The following CRPPA variants were observed in gnomAD, a reference collection of about 807,000 sequenced individuals.
CRPPA encodes the protein D-ribitol-5-phosphate cytidylyltransferase.
In CRPPA, 43 loss-of-function variants were observed where a neutral mutation model predicts 52.0. The observed-to-expected ratio is 0.83, with a 90% CI of 0.65 to 1.07. The LOEUF (loss-of-function observed/expected upper bound fraction) is 1.07, where lower values mean the gene tolerates loss of function less well. Ranked by LOEUF, CRPPA falls within the 50% of genes least tolerant of loss-of-function variation. The pLI, the probability that CRPPA is intolerant of heterozygous loss-of-function variation, is 0.00. For synonymous variants in CRPPA, 250 were observed against 203.5 expected, an observed-to-expected ratio of 1.23 and a Z score of -1.94; for missense variants, 629 against 551.7, an observed-to-expected ratio of 1.14 and a Z score of -1.40.
In CRPPA at chr7:16,258,955, T is replaced by C. The variant is rs886044693; in HGVS notation, c.991A>G (p.Ile331Val). 7.4e-6 allele frequency: 12 copies of C among 1,611,202 alleles called. No individual in the cohort carries two copies. The highest frequency in any genetic ancestry group is 9.3e-6 in the Non-Finnish European group (11 of 1,178,446). ...ACAAAATTGTAGCATTGATCTAAGA[T>C]GATTTGCTGAAGATGTCTGCCAGCA... ...GHAGRHLQQI[I>V]LDQCYNFVCV... The change falls in exon 7 of 10, where the codon ATC (isoleucine) becomes GTC (valine). Residue 331 changes from isoleucine to valine, a missense_variant. Ile to Val is a conservative substitution (Grantham distance 29, BLOSUM62 3). Transcript: ENST00000407010.
At chr7:16,207,288 A>G (rs1238978935) in intron 9 of CRPPA, among the ~76,000 whole-genome samples, 1 of 152,204 alleles carries the variant, frequency 6.6e-6, no homozygotes. Context: ...TACAGCATCT[A>G]TTAGGCAATA....
chr7:16,163,273 C>T (rs1246953484), intron 9 of CRPPA, among the ~76,000 whole-genome samples: 2 of 151,906 alleles, frequency 1.3e-5, no homozygotes, highest in Non-Finnish European at 2.9e-5. Context: ...TGCACCTGGG[C>T]CGCTTGTCTT....
intron 6 of CRPPA, among the ~76,000 whole-genome samples, chr7:16,261,465 C>T (rs1228198134): frequency 6.6e-6 from 1 of 151,886 alleles, no homozygotes; most frequent in Non-Finnish European, 1.5e-5. Flanking sequence ...TATTTTGTGG[C>T]CATAATTAAC....
intron 2 of CRPPA, among the ~76,000 whole-genome samples, chr7:16,397,228 G>A (rs1420660990): frequency 6.6e-6 from 1 of 152,220 alleles, no homozygotes; most frequent in East Asian, 1.9e-4. Context: ...TATGTGATAC[G>A]AACATAACAT....
At chr7:16,177,023 G>A (rs1175417767) in intron 9 of CRPPA, among the ~76,000 whole-genome samples, 2 of 152,084 alleles carry the variant, frequency 1.3e-5, no homozygotes, top group Admixed American at 1.3e-4. Flanking sequence ...AAATGCATAT[G>A]CTAAGTGAAA....
At chr7:16,227,513 G>T (rs915147429) in intron 8 of CRPPA, among the ~76,000 whole-genome samples, 8 of 151,630 alleles carry the variant, frequency 5.3e-5, no homozygotes, top group Non-Finnish European at 7.4e-5. Context: ...TATACCTATT[G>T]GCCATCTATT....
intron 9 of CRPPA, among the ~76,000 whole-genome samples, chr7:16,111,364 T>A (rs991197797): frequency 6.6e-6 from 1 of 152,174 alleles, no homozygotes; most frequent in Non-Finnish European, 1.5e-5. Context: ...ACTGTATGGT[T>A]GTTTCTCAAA....
intron 9 of CRPPA, among the ~76,000 whole-genome samples, chr7:16,137,124 G>C (rs773361214): frequency 6.6e-6 from 1 of 152,228 alleles, no homozygotes; most frequent in East Asian, 1.9e-4. Context: ...CCAGAGGCAG[G>C]ACCTTTGGAA....
intron 8 of CRPPA, among the ~76,000 whole-genome samples, chr7:16,226,411 A>C (rs1782652594): frequency 6.6e-6 from 1 of 151,916 alleles, no homozygotes; most frequent in African/African-American, 2.4e-5. Context: ...TTAAAATAAA[A>C]TGCCAACTTA....
chr7:16,091,365 C>T lies in CRPPA; in HGVS notation c.*330G>A, dbSNP rs1254668859. On this transcript the variant is annotated 3_prime_UTR_variant, in exon 10 of 10. Transcript: ENST00000407010. ...GATAATAACTGAAGTTTTCTAAATT[C>T]TCATTCCTTGAAAGAATAGCTCACC... The T allele has an allele frequency of 1.0e-5, 2 of 192,024 alleles. No homozygotes were observed. The highest frequency in any genetic ancestry group is 4.7e-5 in the African/African-American group (2 of 42,146). 11.9% of individuals were successfully genotyped at this position (192,024 alleles called of 1,614,324 possible).
chr7:16,386,580 G>C (rs916308801), intron 2 of CRPPA, among the ~76,000 whole-genome samples: 2 of 152,122 alleles, frequency 1.3e-5, no homozygotes, highest in African/African-American at 2.4e-5. Flanking sequence ...ATTGAACTGT[G>C]TATATTTGAT....
chr7:16,326,898 A>G (rs1401093098), intron 3 of CRPPA, among the ~76,000 whole-genome samples: 5 of 150,222 alleles, frequency 3.3e-5, no homozygotes, highest in Non-Finnish European at 7.4e-5. Context: ...ATACTATCAA[A>G]TCACAAAAAT....
At chr7:16,305,588 G>A (rs1041076847) in intron 4 of CRPPA, among the ~76,000 whole-genome samples, 8 of 152,068 alleles carry the variant, frequency 5.3e-5, no homozygotes, top group Admixed American at 2.6e-4. Flanking sequence ...TTGGCTGGGC[G>A]TGGTGGTGGT....
At chr7:16,180,566 CATT>C (rs991435966) in intron 9 of CRPPA, among the ~76,000 whole-genome samples, 2 of 151,944 alleles carry the variant, frequency 1.3e-5, no homozygotes, top group African/African-American at 4.8e-5. Flanking sequence ...ATGTGGCAAG[CATT>C]ATGTTGTTCA....
chr7:16,340,897 C>A (rs540055058), intron 3 of CRPPA, among the ~76,000 whole-genome samples: 1 of 152,056 alleles, frequency 6.6e-6, no homozygotes, highest in Non-Finnish European at 1.5e-5. Flanking sequence ...TATGGTACAT[C>A]CAGAGAATGG....
chr7:16,124,790 C>T (rs1165598291), intron 9 of CRPPA, among the ~76,000 whole-genome samples: 1 of 152,030 alleles, frequency 6.6e-6, no homozygotes, highest in African/African-American at 2.4e-5. Flanking sequence ...AATTATAACA[C>T]ATTGTATACA....
intron 9 of CRPPA, among the ~76,000 whole-genome samples, chr7:16,191,654 C>A (rs1781613697): frequency 6.6e-6 from 1 of 152,102 alleles, no homozygotes; most frequent in Non-Finnish European, 1.5e-5. Context: ...CTATATTGGA[C>A]TTTGAGGCTT....
chr7:16,294,605 G>T (rs1287072749), intron 5 of CRPPA, among the ~76,000 whole-genome samples: 1 of 151,906 alleles, frequency 6.6e-6, no homozygotes, highest in Non-Finnish European at 1.5e-5. Context: ...AGTATTCTTT[G>T]AGAGAGTGAA....
intron 8 of CRPPA, among the ~76,000 whole-genome samples, chr7:16,240,297 A>G (rs887523708): frequency 6.6e-6 from 1 of 151,472 alleles, no homozygotes; most frequent in East Asian, 1.9e-4. Flanking sequence ...AATACCTGAG[A>G]CTTACTACAT....
Sources: allele counts gnomAD v4.1 joint callset (sites outside exome capture counted in the v4.1 genomes callset), GRCh38; gene constraint gnomAD v4.1.1; transcripts MANE v1.5; gene names NCBI Gene and HGNC (gene_info 2026-07-23, HGNC 2026-07-21).